Variants in CLASP1 observed in about 807,000 individuals in gnomAD.
CLASP1 encodes cytoplasmic linker associated protein 1, also known as CLIP-associating protein 1.
CLASP1 carries 38 observed loss-of-function variants against 192.3 expected under a neutral mutation model. The observed-to-expected ratio is 0.20, with a 90% CI of 0.15 to 0.26. CLASP1 has a LOEUF of 0.26. Ranked by LOEUF, CLASP1 falls within the 10% of genes least tolerant of loss-of-function variation. The pLI is 1.00. For synonymous variants in CLASP1, 691 were observed against 712.8 expected (o/e 0.97, Z 0.49); for missense variants, 1,433 against 1,932.5 (o/e 0.74, Z 4.85).
rs752930464 is a variant in CLASP1 at position 121,410,874 on chromosome 2, C to T, written c.2416G>A (p.Asp806Asn). 1.1e-5 allele frequency: 17 copies of T among 1,604,318 alleles called. No individual in the cohort carries two copies. The highest frequency in any genetic ancestry group is 1.3e-5 in the Non-Finnish European group (15 of 1,173,774). The change falls in exon 24 of 40, where the codon GAT becomes AAT. Residue 806 changes from aspartate to asparagine, a missense_variant. Transcript: ENST00000263710. ...CATACTGTGCCTCTTACCAAAGCAT[C>T]AGCAACAGCAGCTTCAAGATCTGTA...
At chr2:121,558,688 C>A (rs565151277) in intron 2 of CLASP1, among the ~76,000 whole-genome samples, 1 of 152,100 alleles carries the variant, frequency 6.6e-6, no homozygotes, top group Non-Finnish European at 1.5e-5. Context: ...TTGGCCCTCA[C>A]GCCTATAAGA....
rs760512919 is a variant in CLASP1, at chr2:121,418,713, G to C, written c.2229C>G (p.Ile743Met). 2.4e-5 allele frequency: 39 copies of C among 1,613,382 alleles called. No individual in the cohort carries two copies. In the South Asian group the frequency reaches 4.3e-4, roughly 18 times the overall value. Residue 743 changes from isoleucine to methionine, a missense_variant, in exon 23 of 40, where the codon ATC (isoleucine) becomes ATG (methionine). Physicochemically the swap from Ile to Met is conservative, Grantham distance 10. Around this residue, in one of 8 missense-constraint regions of CLASP1, gnomAD observed 445 missense variants for 535.5 expected, o/e 0.83. Transcript: ENST00000263710. ...ACCCCTGACTCATGCTGGGTCGAGG[G>C]ATACGGCTGCTCCGTGCTAGCGTGC... is the stretch of plus-strand genomic sequence containing the variant.
At chr2:121,375,769 C>G (rs2069961618) in intron 34 of CLASP1, among the ~76,000 whole-genome samples, 1 of 152,168 alleles carries the variant, frequency 6.6e-6, no homozygotes, top group Admixed American at 6.5e-5. Context: ...ACTCACTGCA[C>G]CATGATCCTG....
chr2:121,406,331 T>C (rs2076907408), intron 25 of CLASP1, among the ~76,000 whole-genome samples: 1 of 152,246 alleles, frequency 6.6e-6, no homozygotes, highest in Non-Finnish European at 1.5e-5. Flanking sequence ...TGTTACTATT[T>C]TGGAGTGCTC....
chr2:121,531,025 T>A (rs528452342), intron 2 of CLASP1: 2 of 699,944 alleles, frequency 2.9e-6, no homozygotes, highest in Non-Finnish European at 2.6e-6. Context: ...CCTGTTTTCA[T>A]AGACTTATCA....
chr2:121,524,097 G>A (rs1271721567), intron 6 of CLASP1, among the ~76,000 whole-genome samples: 1 of 151,844 alleles, frequency 6.6e-6, no homozygotes, highest in Non-Finnish European at 1.5e-5. Context: ...GCCCTCCACC[G>A]CCCACCCCAG....
chr2:121,340,799 G>T, exon 40 of CLASP1: 1 of 1,278,772 alleles, frequency 7.8e-7, no homozygotes, highest in South Asian at 1.3e-5. Context: ...AGGGGGTGGG[G>T]AAAGGTCTCT....
At chr2:121,444,253 T>G (rs2083907222) in intron 19 of CLASP1, among the ~76,000 whole-genome samples, 1 of 152,312 alleles carries the variant, frequency 6.6e-6, no homozygotes, top group South Asian at 2.1e-4. Context: ...TGGATATGCC[T>G]ATTTCTTACA....
At chr2:121,531,199 G>T (rs148776414) in intron 2 of CLASP1, among the ~76,000 whole-genome samples, 4 of 152,128 alleles carry the variant, frequency 2.6e-5, no homozygotes, top group Non-Finnish European at 5.9e-5. Flanking sequence ...ACTTTACGCC[G>T]ATCATCAACT....
chr2:121,490,181 T>C (rs777825274), intron 8 of CLASP1: 5 of 372,140 alleles, frequency 1.3e-5, no homozygotes, highest in Non-Finnish European at 2.6e-5. Context: ...CCATGATTTT[T>C]AGTTACCACA....
intron 30 of CLASP1, among the ~76,000 whole-genome samples, chr2:121,390,515 A>G (rs1403334225): frequency 6.6e-6 from 1 of 152,232 alleles, no homozygotes; most frequent in Non-Finnish European, 1.5e-5. Flanking sequence ...GGTTTGTAAA[A>G]GGTTCTTCAC....
intron 2 of CLASP1, among the ~76,000 whole-genome samples, chr2:121,582,623 A>C (rs1294385160): frequency 6.8e-6 from 1 of 147,336 alleles, no homozygotes; most frequent in Non-Finnish European, 1.5e-5. Flanking sequence ...AGGAAAGGGA[A>C]AGGGAAAGGG....
At chr2:121,496,872 C>A (rs577899121) in intron 8 of CLASP1, among the ~76,000 whole-genome samples, 3 of 152,130 alleles carry the variant, frequency 2.0e-5, no homozygotes, top group East Asian at 1.9e-4. Context: ...TATATATACA[C>A]AATGGTATAT....
At chr2:121,502,770 A>AT (rs2093799388) in intron 8 of CLASP1, among the ~76,000 whole-genome samples, 1 of 152,132 alleles carries the variant, frequency 6.6e-6, no homozygotes, top group South Asian at 2.1e-4. Flanking sequence ...TTCTGAAAGG[A>AT]TTACTCTGGT....
chr2:121,403,299 AC>A (rs2076409022), intron 26 of CLASP1, among the ~76,000 whole-genome samples: 1 of 152,186 alleles, frequency 6.6e-6, no homozygotes, highest in Admixed American at 6.5e-5. Flanking sequence ...AAAGGCTGGG[AC>A]CATATCTTCT....
chr2:121,571,848 A>G (rs1415868091), intron 2 of CLASP1, among the ~76,000 whole-genome samples: 4 of 152,156 alleles, frequency 2.6e-5, no homozygotes, highest in Non-Finnish European at 4.4e-5. Flanking sequence ...GGTGTTGAGT[A>G]TCATGCTCAG....
intron 20 of CLASP1, among the ~76,000 whole-genome samples, chr2:121,429,396 GAGAGGAGGCGGGCCCCTTAAA>G (rs921446518): frequency 2.0e-5 from 3 of 152,188 alleles, no homozygotes; most frequent in Non-Finnish European, 2.9e-5. Context: ...GACATGCATA[GAGAGGAGGCGGGCCCCTTAAA>G]AGAGGAGGTG....
chr2:121,448,809 T>C lies in CLASP1; in HGVS notation c.1691+144A>G, dbSNP rs1221173758. 3 of 764,416 alleles carry C rather than the reference T, an allele frequency of 3.9e-6. No individual in the cohort carries two copies. In the African/African-American group the frequency reaches 5.3e-5, roughly 13 times the overall value. The allele number at this position is 764,416 out of a possible 1,614,324, so 47.4% of individuals were successfully genotyped here. A position where few individuals can be genotyped will look rare whatever the true frequency, so the allele number is the denominator to read the frequency against. ...TTTCTCACCACTCCATGGTGGTATC[T>C]TACTTTGCACCAGGATCTACCTCAA... On this transcript the variant is annotated intron_variant, in intron 17 of 39. Transcript: ENST00000263710.
chr2:121,478,953 C>T, intron 8 of CLASP1, among the ~76,000 whole-genome samples: 1 of 46,476 alleles, frequency 2.2e-5, no homozygotes. Flanking sequence ...ACACACACCA[C>T]ACACACACAC....
Sources: allele counts gnomAD v4.1 joint callset (sites outside exome capture counted in the v4.1 genomes callset), GRCh38; gene constraint gnomAD v4.1.1; regional missense constraint gnomAD v4.1.1; transcripts MANE v1.5; gene names NCBI Gene and HGNC (gene_info 2026-07-23, HGNC 2026-07-21).